GNB4: variants seen among roughly 807,000 people sequenced by gnomAD.
GNB4 encodes G protein subunit beta 4.
Under a neutral mutation model 45.2 loss-of-function variants are expected in GNB4, and 28 were observed. The observed-to-expected ratio is 0.62, with a 90% CI of 0.46 to 0.85. GNB4 has a LOEUF of 0.85. Among genes scored for constraint, GNB4 ranks in the 40% least tolerant of loss-of-function variants. GNB4 has a pLI of 0.00. For synonymous variants in GNB4, 132 were observed against 143.7 expected (o/e 0.92, Z 0.58); for missense variants, 321 against 425.4 (o/e 0.75, Z 2.16).
At chr3:179,464,552 C>T in the GNB4 span, 8 of 1,563,798 alleles carry the variant, frequency 5.1e-6, no homozygotes, top group East Asian at 1.8e-4. Context: ...AACGGCCACA[C>T]CTGAGCATGA....
chr3:179,404,579 G>A (rs1269830466), intron 9 of GNB4, among the ~76,000 whole-genome samples: 3 of 152,106 alleles, frequency 2.0e-5, no homozygotes, highest in Non-Finnish European at 4.4e-5. Context: ...ACTAAATGTA[G>A]TTACTTTGGG....
chr3:179,520,171 TG>T, the GNB4 span, among the ~76,000 whole-genome samples: 3 of 134,864 alleles, frequency 2.2e-5, no homozygotes, highest in East Asian at 2.6e-4. Flanking sequence ...TCACTTAGAC[TG>T]ACCCTGACAC....
chr3:179,438,568 A>C (rs1715519805), intron 1 of GNB4, among the ~76,000 whole-genome samples: 1 of 152,232 alleles, frequency 6.6e-6, no homozygotes, highest in African/African-American at 2.4e-5. Flanking sequence ...ATCTAATAGT[A>C]CAGTGCTCTA....
chr3:179,434,083 G>A (rs182016890), intron 1 of GNB4, among the ~76,000 whole-genome samples: 10 of 152,312 alleles, frequency 6.6e-5, no homozygotes, highest in East Asian at 1.9e-4. Context: ...GTGACGACAC[G>A]TATCTTTCAA....
At chr3:179,458,105 A>G in the GNB4 span, among the ~76,000 whole-genome samples, 1 of 152,130 alleles carries the variant, frequency 6.6e-6, no homozygotes, top group East Asian at 1.9e-4. Flanking sequence ...GGGTTTCACC[A>G]TATTGACCAG....
At chr3:179,425,628 G>A (rs1447625903) in intron 2 of GNB4, among the ~76,000 whole-genome samples, 3 of 151,974 alleles carry the variant, frequency 2.0e-5, no homozygotes, top group South Asian at 2.1e-4. Flanking sequence ...GCACCACCAC[G>A]CCTGGCTAAT....
At chr3:179,454,619 T>C (rs531013277), upstream of GNB4, among the ~76,000 whole-genome samples, 1 of 152,168 alleles carries the variant, frequency 6.6e-6, no homozygotes, top group Non-Finnish European at 1.5e-5. Context: ...TATCCTGCTT[T>C]TAAGTTTTAC....
chr3:179,484,465 G>T, the GNB4 span, among the ~76,000 whole-genome samples: 1 of 152,136 alleles, frequency 6.6e-6, no homozygotes, highest in African/African-American at 2.4e-5. Flanking sequence ...GAGGCCATGC[G>T]CACAGCAGTG....
chr3:179,406,311 G>C (rs150618956), intron 8 of GNB4, among the ~76,000 whole-genome samples: 3 of 152,042 alleles, frequency 2.0e-5, no homozygotes, highest in African/African-American at 2.4e-5. Context: ...AATCATTTAC[G>C]TGTAATGCCT....
At position 179,400,541 on chromosome 3, in the gene GNB4, G is replaced by A. The variant is rs902181128; in HGVS notation, c.*672C>T. 1 of 152,150 alleles carries A rather than the reference G, an allele frequency of 6.6e-6. No homozygotes were observed. The highest frequency in any genetic ancestry group is 2.4e-5 in the African/African-American group (1 of 41,444). 9.4% of individuals were successfully genotyped at this position (152,150 alleles called of 1,614,324 possible). A position where few individuals can be genotyped will look rare whatever the true frequency, so the allele number is the denominator to read the frequency against. ...TATTAATTATAATGATGTTTCTTATGTATGTCCAAAATATCAGTGAAATCT... is the reference window on the plus strand; with the variant it reads ...TATTAATTATAATGATGTTTCTTATATATGTCCAAAATATCAGTGAAATCT... On this transcript the variant is annotated 3_prime_UTR_variant, in exon 10 of 10. Coordinates refer to ENST00000232564, the MANE Select transcript of GNB4 (RefSeq NM_021629.4).
At chr3:179,519,129 G>T in the GNB4 span, among the ~76,000 whole-genome samples, 1 of 152,168 alleles carries the variant, frequency 6.6e-6, no homozygotes, top group Non-Finnish European at 1.5e-5. Context: ...TCTCCCAGGA[G>T]CTTGCTACAA....
rs1264685719 is a variant in GNB4, at chr3:179,400,284, C to T, written c.*929G>A. 1 of 152,216 alleles carries T rather than the reference C, an allele frequency of 6.6e-6. No homozygotes were observed. The highest frequency in any genetic ancestry group is 1.5e-5 in the Non-Finnish European group (1 of 68,042). The allele number at this position is 152,216 out of a possible 1,614,324, so 9.4% of individuals were successfully genotyped here. Reference sequence around the variant, plus strand: ...CTTCTCTCCAAATGTAACACTGTCACATTGCATTTCCTCTCTAGATGTATA... The same window carrying T: ...CTTCTCTCCAAATGTAACACTGTCATATTGCATTTCCTCTCTAGATGTATA... On this transcript the variant is annotated 3_prime_UTR_variant, in exon 10 of 10. Transcript: ENST00000232564.
At chr3:179,487,914 G>A in the GNB4 span, among the ~76,000 whole-genome samples, 5 of 152,072 alleles carry the variant, frequency 3.3e-5, no homozygotes, top group African/African-American at 1.2e-4. Context: ...AGCTGGGTGT[G>A]GTAGCGCATG....
chr3:179,431,557 C>A (rs1169528079), intron 1 of GNB4, among the ~76,000 whole-genome samples: 211 of 128,422 alleles, frequency 1.6e-3, no homozygotes, highest in East Asian at 2.3e-3. Context: ...GACTCTGTCT[C>A]AAAAAAAAAA....
In GNB4 at chr3:179,419,417, T is replaced by G. The variant is rs879741255; in HGVS notation, c.185A>C (p.His62Pro). 4 of 1,606,070 alleles carry G rather than the reference T, an allele frequency of 2.5e-6. No individual in the cohort carries two copies. The highest frequency in any genetic ancestry group is 2.6e-6 in the Non-Finnish European group (3 of 1,172,656). ...RGHLAKIYAM[H>P]WGYDSRLLVS... ...TACAAACCTGGAATCGTATCCCCAA[T>G]GCATAGCATAGATTTTAGCTAGGTG... Residue 62 changes from histidine (H) to proline (P), a missense_variant, in exon 4 of 10, where the codon CAT becomes CCT. Coordinates refer to ENST00000232564, the MANE Select transcript of GNB4 (RefSeq NM_021629.4).
chr3:179,488,759 G>A, the GNB4 span, among the ~76,000 whole-genome samples: 1 of 151,688 alleles, frequency 6.6e-6, no homozygotes, highest in Non-Finnish European at 1.5e-5. Context: ...CTGAGGGCCA[G>A]ATCGCTTGAG....
the GNB4 span, among the ~76,000 whole-genome samples, chr3:179,526,280 G>A: frequency 6.6e-6 from 1 of 152,122 alleles, no homozygotes; most frequent in Non-Finnish European, 1.5e-5. Context: ...ACTTGCTTCA[G>A]GCCATCTGGA....
At chr3:179,416,582 T>C in intron 4 of GNB4, 26 bp from the exon 5 acceptor site, 1 of 1,484,648 alleles carries the variant, frequency 6.7e-7, no homozygotes, top group Non-Finnish European at 9.2e-7. Context: ...CAAAAATAAT[T>C]TGACACTTAG....
chr3:179,428,100 CAAAA>C (rs1715198599), intron 1 of GNB4, among the ~76,000 whole-genome samples: 1 of 151,956 alleles, frequency 6.6e-6, no homozygotes, highest in Admixed American at 6.6e-5. Context: ...TATGTTCAGA[CAAAA>C]AGAAAAGAAA....
Sources: gnomAD v4.1 joint callset for allele counts (sites outside exome capture counted in the v4.1 genomes callset) on GRCh38, gnomAD v4.1.1 for gene constraint, MANE v1.5 for transcripts, NCBI Gene and HGNC (gene_info 2026-07-23, HGNC 2026-07-21) for gene names.